OSBPL3: variants seen among roughly 807,000 people sequenced by gnomAD.
OSBPL3 encodes oxysterol-binding protein-related protein 3.
A neutral mutation model predicts 120.1 loss-of-function variants in OSBPL3; 65 were observed. The ratio of observed to expected loss-of-function variants is 0.54; its 90% CI spans 0.44 to 0.67. The LOEUF is 0.67. Ranked by LOEUF, OSBPL3 falls within the 30% of genes least tolerant of loss-of-function variation. OSBPL3 has a pLI of 0.00. For missense variants in OSBPL3, 1,004 were observed against 1,082.1 expected, an observed-to-expected ratio of 0.93 and a Z score of 1.01; for synonymous variants, 416 against 402.6, an observed-to-expected ratio of 1.03 and a Z score of -0.40.
chr7:24,979,687 C>CT (rs1338673723), intron 1 of OSBPL3, among the ~76,000 whole-genome samples, 199 bp downstream of exon 1: 1 of 152,174 alleles, frequency 6.6e-6, no homozygotes, highest in Non-Finnish European at 1.5e-5. Context: ...CCGGGTCCTC[C>CT]TTCCCCGGGA....
chr7:24,830,900 A>G lies in OSBPL3; in HGVS notation c.1752T>C (p.Tyr584=). 6.2e-7 allele frequency: 1 copy of G among 1,606,806 alleles called. No homozygotes were observed. Among genetic ancestry groups the G allele is most frequent in the Non-Finnish European group, 8.5e-7 (1 of 1,178,174 alleles). Residue 584 remains tyrosine, a synonymous_variant, in exon 16 of 23, where the codon TAT becomes TAC. Coordinates refer to ENST00000313367, the MANE Select transcript of OSBPL3 (RefSeq NM_015550.4). This position sits in a 1 kb window ranked among gnomAD's most constrained non-coding sequence, Gnocchi z 4.4. ...ACGCTGATATGGCAAAGGCTGCCAC[A>G]TATACCTAAGGACAAGAGAAAAGAA... is the stretch of plus-strand genomic sequence containing the variant. The part of the protein sequence containing the change: ...QIPSPLERMV[Y]VAAFAISAYA...
rs1202567642 is a variant in OSBPL3, at chr7:24,916,344, C to A, written c.-149-23723G>T. Among the ~76,000 whole-genome samples, 1 of 152,136 alleles carries A rather than the reference C, an allele frequency of 6.6e-6. No homozygotes were observed. The highest frequency in any genetic ancestry group is 2.4e-5 in the African/African-American group (1 of 41,440). On this transcript the variant is annotated intron_variant, in intron 1 of 22. Coordinates refer to ENST00000313367, the MANE Select transcript of OSBPL3 (RefSeq NM_015550.4). This position sits in a 1 kb window ranked among gnomAD's most constrained non-coding sequence, Gnocchi z 4.9. ...TTCTGTTCCTCTCTCACAGTATGTA[C>A]AGAGGCATGGCTGAAATAAATGTTA...
At chr7:24,889,447 CCACA>C (rs144297564) in intron 2 of OSBPL3, among the ~76,000 whole-genome samples, 2 of 151,430 alleles carry the variant, frequency 1.3e-5, no homozygotes, top group South Asian at 4.2e-4. Flanking sequence ...AATGTTCTTA[CCACA>C]CACACACACA....
At chr7:24,943,580 A>G (rs753207606) in intron 1 of OSBPL3, among the ~76,000 whole-genome samples, 2 of 152,206 alleles carry the variant, frequency 1.3e-5, no homozygotes, top group Admixed American at 6.5e-5. Context: ...GTTAAACTAG[A>G]TAAGATCAGA....
chr7:24,919,041 A>G (rs780707155), intron 1 of OSBPL3, among the ~76,000 whole-genome samples: 10 of 152,200 alleles, frequency 6.6e-5, no homozygotes, highest in Non-Finnish European at 1.5e-4. Flanking sequence ...AATTTTTGGA[A>G]TATGTCTGAT....
chr7:24,979,853 A>C, intron 1 of OSBPL3, 33 bp downstream of exon 1: 1 of 947,548 alleles, frequency 1.1e-6, no homozygotes, highest in Non-Finnish European at 1.3e-6. Context: ...CCCGACACCC[A>C]GGCCCCATTT....
At chr7:24,845,143 T>G (rs1798248031) in intron 12 of OSBPL3, among the ~76,000 whole-genome samples, 1 of 152,110 alleles carries the variant, frequency 6.6e-6, no homozygotes. Flanking sequence ...TATTACCTAA[T>G]TACACCAACA....
Position 24,852,386 on chromosome 7 carries a change from A to G in OSBPL3, c.1158+118T>C. On this transcript the variant is annotated intron_variant, in intron 11 of 22. Coordinates refer to ENST00000313367, the MANE Select transcript of OSBPL3 (RefSeq NM_015550.4). This position sits in a 1 kb window ranked among gnomAD's most constrained non-coding sequence, Gnocchi z 4.1. The stretch of plus-strand genomic sequence containing the variant: ...CAGATTTGATGAAAGGTTAGAATAT[A>G]ATTTGGATAATTTGGTTTTCTCCTG... 1.2e-6 allele frequency: 1 copy of G among 834,764 alleles called. No homozygotes were observed. Among genetic ancestry groups the G allele is most frequent in the South Asian group, 3.3e-5 (1 of 30,274 alleles). 51.7% of individuals were successfully genotyped at this position (834,764 alleles called of 1,614,324 possible).
At chr7:24,980,192 C>G (rs1049018595), upstream of OSBPL3, 3 of 339,184 alleles carry the variant, frequency 8.8e-6, no homozygotes, top group Admixed American at 6.5e-5. Context: ...GCGCGCCGCC[C>G]GGCGATTAGC....
At chr7:24,876,892 A>G (rs1167530463) in intron 2 of OSBPL3, among the ~76,000 whole-genome samples, 1 of 152,238 alleles carries the variant, frequency 6.6e-6, no homozygotes, top group Non-Finnish European at 1.5e-5. Flanking sequence ...GAAAGAATAG[A>G]GCAACTACAA....
At chr7:24,875,929 T>G (rs1224388517) in intron 2 of OSBPL3, among the ~76,000 whole-genome samples, 1 of 152,146 alleles carries the variant, frequency 6.6e-6, no homozygotes, top group Non-Finnish European at 1.5e-5. Context: ...TGTGCTGTTG[T>G]AAGAAAGAAT....
In OSBPL3 at chr7:24,866,149, T is replaced by A; in HGVS notation, c.470A>T (p.His157Leu). Residue 157 changes from histidine to leucine, a missense_variant, in exon 6 of 23, where the codon CAT (histidine) becomes CTT (leucine). This residue lies in a region of OSBPL3 where 255 missense variants were observed against 248.7 expected (regional missense o/e 1.03). Transcript: ENST00000313367. ...CCCTGAGAAAAAGTGGTTAACTTCA[T>A]GTGGAAACATGGCAATTTCATTCTG... ...YRQNEIAMFP[H>L]EVNHFFSGST... The A allele has an allele frequency of 3.1e-6, 5 of 1,613,384 alleles. No homozygotes were observed. The highest frequency in any genetic ancestry group is 4.2e-6 in the Non-Finnish European group (5 of 1,179,294).
Position 24,936,147 on chromosome 7 carries a change from T to C in OSBPL3, c.-149-43526A>G, listed in dbSNP as rs1303381809. On this transcript the variant is annotated intron_variant, in intron 1 of 22. Transcript: ENST00000313367. The surrounding 1 kb of genome is among the most constrained non-coding windows in gnomAD (Gnocchi z 4.2). ...TAAAACACAACCTCTATCAACTTCA[T>C]AATGAAGGGGCCTTAAGTTACTGGT... Among the ~76,000 whole-genome samples the C allele has an allele frequency of 2.0e-5, 3 of 151,882 alleles. No homozygotes were observed. Among genetic ancestry groups the C allele is most frequent in the Non-Finnish European group, 4.4e-5 (3 of 67,992 alleles).
chr7:24,869,844 G>C (rs959694550), intron 5 of OSBPL3, among the ~76,000 whole-genome samples: 1 of 152,142 alleles, frequency 6.6e-6, no homozygotes, highest in African/African-American at 2.4e-5. Flanking sequence ...TTAAGACAAG[G>C]AGCTCATGAT....
intron 1 of OSBPL3, among the ~76,000 whole-genome samples, chr7:24,903,807 AGGACAGT>A (rs1035129824): frequency 6.6e-6 from 1 of 151,830 alleles, no homozygotes; most frequent in Non-Finnish European, 1.5e-5. Context: ...GACATCACTC[AGGACAGT>A]GGGTTTTGCT....
rs1817152313 is a variant in OSBPL3, at chr7:24,972,617, T to C, written c.-150+7269A>G. On this transcript the variant is annotated intron_variant, in intron 1 of 22. Transcript: ENST00000313367. This position sits in a 1 kb window ranked among gnomAD's most constrained non-coding sequence, Gnocchi z 4.3. ...CACATGGCATGTGCTTAATAAATAT[T>C]TGTGAAACGTATGAGCAAAAATCTT... Among the ~76,000 whole-genome samples the C allele has an allele frequency of 6.6e-6, 1 of 152,202 alleles. No homozygotes were observed. The highest frequency in any genetic ancestry group is 1.5e-5 in the Non-Finnish European group (1 of 68,044).
rs116954931 is a variant in OSBPL3 at position 24,858,532 on chromosome 7, G to T, written c.1027+3081C>A. Among the ~76,000 whole-genome samples, 12 of 152,332 alleles carry T rather than the reference G, an allele frequency of 7.9e-5. No homozygotes were observed. In the East Asian group the frequency reaches 2.1e-3, roughly 27 times the overall value. ...GGAAAAGGAAGATCTTTCCCTCTCT[G>T]CAAGTGTACTGTAAAACCACAGGAA... On this transcript the variant is annotated intron_variant, in intron 10 of 22. Coordinates refer to ENST00000313367, the MANE Select transcript of OSBPL3 (RefSeq NM_015550.4).
intron 19 of OSBPL3, among the ~76,000 whole-genome samples, chr7:24,811,824 T>G (rs1793837906): frequency 6.6e-6 from 1 of 152,372 alleles, no homozygotes; most frequent in East Asian, 1.9e-4. Context: ...ATGGATTTAC[T>G]TCTGAGCTCT....
chr7:24,848,929 G>A, intron 12 of OSBPL3, 140 bp downstream of exon 12: 1 of 613,944 alleles, frequency 1.6e-6, no homozygotes, highest in Non-Finnish European at 2.9e-6. Context: ...TGACCTAGCT[G>A]TGGCCAGCAC....
Sources: allele counts gnomAD v4.1 joint callset (sites outside exome capture counted in the v4.1 genomes callset), GRCh38; gene constraint gnomAD v4.1.1; regional missense constraint gnomAD v4.1.1; non-coding constraint Gnocchi (gnomAD v3.1); transcripts MANE v1.5; gene names NCBI Gene and HGNC (gene_info 2026-07-23, HGNC 2026-07-21).